RIN2: variants seen among roughly 807,000 people sequenced by gnomAD.
RIN2 encodes RAB5 interacting protein 2.
In RIN2, 36 loss-of-function variants were observed where a neutral mutation model predicts 78.0. The ratio of observed to expected loss-of-function variants is 0.46; its 90% CI spans 0.35 to 0.61. The LOEUF (loss-of-function observed/expected upper bound fraction) is 0.61. Among genes scored for constraint, RIN2 ranks in the 20% least tolerant of loss-of-function variants. The probability of loss-of-function intolerance (pLI) is 0.00; values close to 1 mark genes in which losing one functional copy is unlikely to be tolerated. For missense variants in RIN2, 1,087 were observed against 1,159.7 expected, an observed-to-expected ratio of 0.94 and a Z score of 0.91; for synonymous variants, 466 against 466.8, an observed-to-expected ratio of 1.00 and a Z score of 0.02.
At chr20:19,797,918 C>T (rs1205784368) in intron 1 of RIN2, among the ~76,000 whole-genome samples, 1 of 135,870 alleles carries the variant, frequency 7.4e-6, no homozygotes, top group Non-Finnish European at 1.5e-5. Context: ...TTGGCGGTGT[C>T]TCAGCTCACT....
At chr20:19,889,529 A>C (rs748444018) in intron 2 of RIN2, 37 bp from the exon 3 acceptor site, 1 of 1,526,702 alleles carries the variant, frequency 6.6e-7, no homozygotes, top group African/African-American at 1.4e-5. Flanking sequence ...AATTTCCTAC[A>C]GGCTGGACTA....
At chr20:19,788,439 A>AAAACAAAAAAAC (rs1555818731) in intron 1 of RIN2, among the ~76,000 whole-genome samples, 3 of 132,994 alleles carry the variant, frequency 2.3e-5, no homozygotes, top group Admixed American at 7.4e-5. Flanking sequence ...TGCCAAAAAA[A>AAAACAAAAAAAC]AAAAAAAAAA....
chr20:19,871,686 G>A (rs1013673838), intron 2 of RIN2, among the ~76,000 whole-genome samples: 2 of 152,174 alleles, frequency 1.3e-5, no homozygotes, highest in South Asian at 4.1e-4. Flanking sequence ...TGCTAGTGAG[G>A]ATTGTTTCCT....
chr20:19,867,723 T>C (rs2037552680), intron 2 of RIN2, among the ~76,000 whole-genome samples: 1 of 152,186 alleles, frequency 6.6e-6, no homozygotes, highest in Admixed American at 6.5e-5. Flanking sequence ...GTTTTATTCC[T>C]GGTGACACCA....
rs550727892 is a variant in RIN2 at position 19,897,965 on chromosome 20, C to T, written c.57+8307C>T. ...TTGGGCTCAAGTGACCCTCCTGCTT[C>T]AGCCTCCCAAAGTGCTGGGATTATT... On this transcript the variant is annotated intron_variant, in intron 3 of 12. Transcript: ENST00000255006. Among the ~76,000 whole-genome samples the T allele has an allele frequency of 2.0e-5, 3 of 152,310 alleles. No individual in the cohort carries two copies. In the East Asian group the frequency reaches 5.8e-4, roughly 29 times the overall value.
At chr20:19,775,474 T>C (rs568866510) in intron 1 of RIN2, among the ~76,000 whole-genome samples, 9 of 152,288 alleles carry the variant, frequency 5.9e-5, no homozygotes, top group East Asian at 1.9e-4. Flanking sequence ...CCCTTCCAAT[T>C]TGGGGCTGAG....
At chr20:19,923,089 T>C (rs1175655917) in intron 3 of RIN2, among the ~76,000 whole-genome samples, 1 of 152,138 alleles carries the variant, frequency 6.6e-6, no homozygotes, top group Admixed American at 6.5e-5. Context: ...ACATTCCAAG[T>C]AGGCATTTCA....
intron 6 of RIN2, among the ~76,000 whole-genome samples, chr20:19,964,643 C>A (rs577525200): frequency 5.3e-5 from 8 of 152,084 alleles, no homozygotes; most frequent in East Asian, 1.9e-4. Context: ...CAGACTGGCC[C>A]CTTGTCCCCT....
intron 9 of RIN2, among the ~76,000 whole-genome samples, chr20:19,982,822 A>G (rs1210764689): frequency 6.6e-6 from 1 of 152,180 alleles, no homozygotes; most frequent in Non-Finnish European, 1.5e-5. Context: ...AGCCTCAACC[A>G]GGGACTGAAG....
intron 3 of RIN2, among the ~76,000 whole-genome samples, chr20:19,921,849 GTTGTTTGT>G (rs71198035): frequency 0.22 from 33,449 of 150,514 alleles, 4,235 homozygotes; most frequent in East Asian, 0.45. Context: ...GGATCTGTCG[GTTGTTTGT>G]TTGTTTGTTT....
intron 10 of RIN2, among the ~76,000 whole-genome samples, chr20:19,990,537 G>A (rs1243616196): frequency 2.0e-5 from 3 of 152,136 alleles, no homozygotes; most frequent in Non-Finnish European, 4.4e-5. Flanking sequence ...GTACCAGGCC[G>A]ATTTAATTAA....
chr20:19,996,164 A>T (rs1032585861), intron 11 of RIN2, among the ~76,000 whole-genome samples: 8 of 152,122 alleles, frequency 5.3e-5, no homozygotes, highest in African/African-American at 1.7e-4. Context: ...AAATACAAAA[A>T]TTAGCCAGGC....
intron 2 of RIN2, among the ~76,000 whole-genome samples, chr20:19,874,330 C>T (rs1241340489): frequency 6.6e-6 from 1 of 152,164 alleles, no homozygotes; most frequent in Admixed American, 6.5e-5. Flanking sequence ...AATGAAAATG[C>T]TGTGACCAGG....
At chr20:19,804,540 GT>G (rs1383193163) in intron 2 of RIN2, among the ~76,000 whole-genome samples, 1 of 152,340 alleles carries the variant, frequency 6.6e-6, no homozygotes, top group East Asian at 1.9e-4. Flanking sequence ...GCATCCCAGG[GT>G]TGAAGCTGAC....
At chr20:19,763,844 A>T (rs2122314219) in intron 1 of RIN2, among the ~76,000 whole-genome samples, 1 of 152,332 alleles carries the variant, frequency 6.6e-6, no homozygotes, top group East Asian at 1.9e-4. Context: ...CCTAAGAGTG[A>T]TTTAAAAGAC....
rs759945760 is a variant in RIN2 at position 19,975,834 on chromosome 20, C to T, written c.1762+47C>T. ...ATATAAAATCTATTGTAACTCTGTC[C>T]GGGCAGTGCAACCTATGTTTGTTAT... is the stretch of plus-strand genomic sequence containing the variant. On this transcript the variant is annotated intron_variant, in intron 9 of 12. Transcript: ENST00000255006. This position sits in a 1 kb window ranked among gnomAD's most constrained non-coding sequence, Gnocchi z 4.9. 60 of 1,500,542 alleles carry T rather than the reference C, an allele frequency of 4.0e-5. No homozygotes were observed. In the East Asian group the frequency reaches 1.3e-3, roughly 34 times the overall value. 93.0% of individuals were successfully genotyped at this position (1,500,542 alleles called of 1,614,324 possible). A position where few individuals can be genotyped will look rare whatever the true frequency, so the allele number is the denominator to read the frequency against.
At chr20:19,868,488 A>G (rs1451612711) in intron 2 of RIN2, among the ~76,000 whole-genome samples, 1 of 152,190 alleles carries the variant, frequency 6.6e-6, no homozygotes, top group Non-Finnish European at 1.5e-5. Context: ...TCGCTCCTGA[A>G]TTCATACCAC....
chr20:19,853,900 A>T (rs1042021994), intron 2 of RIN2, among the ~76,000 whole-genome samples: 1 of 151,432 alleles, frequency 6.6e-6, no homozygotes, highest in African/African-American at 2.4e-5. Flanking sequence ...CCCATTTGTC[A>T]ATTTTGGCTT....
chr20:19,922,574 C>CT (rs1267161079), intron 3 of RIN2, among the ~76,000 whole-genome samples: 3 of 152,176 alleles, frequency 2.0e-5, no homozygotes, highest in Non-Finnish European at 4.4e-5. Flanking sequence ...TCATCAATGC[C>CT]TTGAGGTCCC....
Sources: allele counts gnomAD v4.1 joint callset (sites outside exome capture counted in the v4.1 genomes callset), GRCh38; gene constraint gnomAD v4.1.1; non-coding constraint Gnocchi (gnomAD v3.1); transcripts MANE v1.5; gene names NCBI Gene and HGNC (gene_info 2026-07-23, HGNC 2026-07-21).